PCDHGB2: variants seen among roughly 807,000 people sequenced by gnomAD.
The protein encoded by PCDHGB2 is protocadherin gamma-B2.
Under a neutral mutation model 59.3 loss-of-function variants are expected in PCDHGB2, and 55 were observed. The ratio of observed to expected loss-of-function variants is 0.93; its 90% confidence interval spans 0.75 to 1.16. The LOEUF (loss-of-function observed/expected upper bound fraction) is 1.16. Among genes scored for constraint, PCDHGB2 ranks in the 50% most tolerant of loss-of-function variants. The pLI is 0.00. For synonymous variants in PCDHGB2, 516 were observed against 512.0 expected, an observed-to-expected ratio of 1.01 and a Z score of -0.11; for missense variants, 1,228 against 1,198.5, an observed-to-expected ratio of 1.02 and a Z score of -0.36.
chr5:141,478,700 C>T (rs1171617240), intron 1 of PCDHGB2: 2 of 1,549,172 alleles, frequency 1.3e-6, no homozygotes, highest in South Asian at 1.2e-5. Flanking sequence ...AAAGTTAGTG[C>T]CTTTGTGAGA....
chr5:141,375,953 G>A (rs752339386), intron 1 of PCDHGB2: 1 of 1,613,498 alleles, frequency 6.2e-7, no homozygotes, highest in African/African-American at 1.3e-5. Context: ...CCTGCACACG[G>A]GCGAGGTGCG....
At chr5:141,364,718 T>G in intron 1 of PCDHGB2, 1 of 1,613,968 alleles carries the variant, frequency 6.2e-7, no homozygotes, top group Non-Finnish European at 8.5e-7. Flanking sequence ...TAATGATAAC[T>G]TCCCGCGTTT....
rs1241061038 is a variant in PCDHGB2 at position 141,394,846 on chromosome 5, T to C, written c.2421+32290T>C. ...GAAGTCCTGACCGAGTTGGGCAGTC[T>C]GAAGCCTTCGGTCGACCCGAACGAT... On this transcript the variant is annotated intron_variant, in intron 1 of 3. Coordinates refer to ENST00000522605, the MANE Select transcript of PCDHGB2 (RefSeq NM_018923.3). The C allele has an allele frequency of 1.9e-6, 3 of 1,613,732 alleles. No homozygotes were observed. In the African/African-American group the frequency reaches 4.0e-5, roughly 22 times the overall value.
At chr5:141,418,874 G>A (rs2096295785) in intron 1 of PCDHGB2, 1 of 1,614,024 alleles carries the variant, frequency 6.2e-7, no homozygotes, top group East Asian at 2.2e-5. Context: ...AGAAGTTGTA[G>A]ACGAAAACGA....
chr5:141,371,232 G>A lies in PCDHGB2; in HGVS notation c.2421+8676G>A, dbSNP rs1383557802. On this transcript the variant is annotated intron_variant, in intron 1 of 3. Coordinates refer to ENST00000522605, the MANE Select transcript of PCDHGB2 (RefSeq NM_018923.3). ...GGGCATCAATGCCGAAATCATCTATGCCTTCATCAATATTGGCAAGGAAGT... is the reference window on the plus strand; with the variant it reads ...GGGCATCAATGCCGAAATCATCTATACCTTCATCAATATTGGCAAGGAAGT... 6 of 1,613,918 alleles carry A rather than the reference G, an allele frequency of 3.7e-6. No homozygotes were observed. In the Admixed American group the frequency reaches 6.7e-5, roughly 18 times the overall value.
At chr5:141,376,234 G>A (rs1426358733) in intron 1 of PCDHGB2, 91 of 1,614,096 alleles carry the variant, frequency 5.6e-5, no homozygotes, top group Non-Finnish European at 7.5e-5. Flanking sequence ...TCAGACTGCA[G>A]CGCTGGCACA....
chr5:141,413,227 G>T (rs552225139), intron 1 of PCDHGB2: 2 of 1,613,938 alleles, frequency 1.2e-6, no homozygotes, highest in South Asian at 2.2e-5. Flanking sequence ...CAGCGGGCTG[G>T]TCCTGCTCTG....
At chr5:141,371,866 T>A (rs1768128471) in intron 1 of PCDHGB2, 1 of 1,613,504 alleles carries the variant, frequency 6.2e-7, no homozygotes, top group Non-Finnish European at 8.5e-7. Flanking sequence ...TCCTACTACA[T>A]CGTGGCCAGT....
chr5:141,469,283 T>C (rs576231993), intron 1 of PCDHGB2, among the ~76,000 whole-genome samples: 1 of 149,898 alleles, frequency 6.7e-6, no homozygotes, highest in African/African-American at 2.5e-5. Flanking sequence ...TCTCAAAAAA[T>C]AAAACAAAAT....
intron 1 of PCDHGB2, chr5:141,372,919 A>G (rs1404152823): frequency 2.0e-6 from 2 of 1,017,920 alleles, no homozygotes; most frequent in Non-Finnish European, 2.8e-6. Flanking sequence ...TATTTTATTG[A>G]TTTTCTGGTG....
At position 141,429,387 on chromosome 5, in the gene PCDHGB2, TAAAAA is replaced by T. The variant is rs11410533; in HGVS notation, c.2422-65416_2422-65412del. On this transcript the variant is annotated intron_variant, in intron 1 of 3. Transcript: ENST00000522605. ...AAATGGAGAAAATGTGTTTTTTTTT[TAAAAA>T]AAATTGAGATTAAGGTCTCATTATG... 8.8e-4 allele frequency among the ~76,000 whole-genome samples: 134 copies of T among 151,448 alleles called. 1 individual carries two copies. Among genetic ancestry groups the T allele is most frequent in the Non-Finnish European group, 1.5e-3 (103 of 67,818 alleles).
At chr5:141,439,739 G>A (rs867225156) in intron 1 of PCDHGB2, 4 of 152,312 alleles carry the variant, frequency 2.6e-5, no homozygotes, top group Non-Finnish European at 5.9e-5. Flanking sequence ...GGAACGGAAC[G>A]GATTTACAGG....
rs762138055 is a variant in PCDHGB2, at chr5:141,490,757, T to C, written c.2422-4050T>C. 6.2e-7 allele frequency: 1 copy of C among 1,613,918 alleles called. No homozygotes were observed. The highest frequency in any genetic ancestry group is 2.2e-5 in the East Asian group (1 of 44,892). On this transcript the variant is annotated intron_variant, in intron 1 of 3. Coordinates refer to ENST00000522605, the MANE Select transcript of PCDHGB2 (RefSeq NM_018923.3). The surrounding 1 kb of genome is among the most constrained non-coding windows in gnomAD (Gnocchi z 5.4). ...GTTCAGGGAGCCCCAGCCTCCTCCT[T>C]TGTGTATGTCAACCCAGAGGATGGA...
At chr5:141,373,938 A>G (rs553053363) in intron 1 of PCDHGB2, 2 of 705,416 alleles carry the variant, frequency 2.8e-6, no homozygotes, top group Admixed American at 3.6e-5. Context: ...AAAGCAGGAA[A>G]GCTGTGCAGA....
At chr5:141,385,079 C>A in intron 1 of PCDHGB2, 1 of 1,614,226 alleles carries the variant, frequency 6.2e-7, no homozygotes, top group Non-Finnish European at 8.5e-7. Context: ...CTGCTGCAGG[C>A]TTCAGAAGGT....
At chr5:141,412,561 T>G (rs1183372771) in intron 1 of PCDHGB2, 3 of 152,184 alleles carry the variant, frequency 2.0e-5, no homozygotes, top group Admixed American at 6.5e-5. Context: ...TCTCATGAGT[T>G]TATTTAATAT....
chr5:141,389,838 C>T (rs1156714079), intron 1 of PCDHGB2: 3 of 1,614,028 alleles, frequency 1.9e-6, no homozygotes, highest in Non-Finnish European at 2.5e-6. Context: ...ACAGCCACCA[C>T]TCTCGGCCAC....
At chr5:141,364,371 T>G in intron 1 of PCDHGB2, 1 of 1,572,068 alleles carries the variant, frequency 6.4e-7, no homozygotes, top group South Asian at 1.2e-5. Flanking sequence ...GGAGAGCTGC[T>G]GCTGCCCTTC....
rs992096722 is a variant in PCDHGB2, at chr5:141,413,506, A to G, written c.2421+50950A>G. 3 of 1,613,910 alleles carry G rather than the reference A, an allele frequency of 1.9e-6. No individual in the cohort carries two copies. The highest frequency in any genetic ancestry group is 2.7e-5 in the African/African-American group (2 of 74,954). On this transcript the variant is annotated intron_variant, in intron 1 of 3. Coordinates refer to ENST00000522605, the MANE Select transcript of PCDHGB2 (RefSeq NM_018923.3). ...GAGCGCGCGGTGCGTGGTGAGTTTT[A>G]ATATCCTTGTGGAAGACAGGGTGAA... is the stretch of plus-strand genomic sequence containing the variant.
Sources: allele counts gnomAD v4.1 joint callset (sites outside exome capture counted in the v4.1 genomes callset), GRCh38; gene constraint gnomAD v4.1.1; non-coding constraint Gnocchi (gnomAD v3.1); transcripts MANE v1.5; gene names NCBI Gene and HGNC (gene_info 2026-07-23, HGNC 2026-07-21).